The following COL21A1 variants were observed in gnomAD, a reference collection of about 807,000 sequenced individuals.
COL21A1 encodes the protein collagen type XXI alpha 1 chain.
Under a neutral mutation model 137.9 loss-of-function variants are expected in COL21A1, and 149 were observed. The ratio of observed to expected loss-of-function variants is 1.08; its 90% CI spans 0.95 to 1.24. COL21A1 has a LOEUF of 1.24. Ranked by LOEUF, COL21A1 falls within the 50% of genes most tolerant of loss-of-function variation. The pLI, the probability that COL21A1 is intolerant of heterozygous loss-of-function variation, is 0.00. For missense variants in COL21A1, 1,167 were observed against 1,158.4 expected (o/e 1.01, Z -0.11); for synonymous variants, 456 against 391.5 (o/e 1.16, Z -1.95).
intron 1 of COL21A1, among the ~76,000 whole-genome samples, chr6:56,258,927 A>C (rs542053961): frequency 6.6e-6 from 1 of 152,200 alleles, no homozygotes; most frequent in Non-Finnish European, 1.5e-5. Context: ...TGCTGCATAC[A>C]ATATCCCATC....
chr6:56,180,319 T>A (rs1321931327), intron 2 of COL21A1, among the ~76,000 whole-genome samples, 190 bp from the exon 3 acceptor site: 3 of 152,040 alleles, frequency 2.0e-5, no homozygotes, highest in Admixed American at 2.0e-4. Flanking sequence ...GAGAAAAAAA[T>A]TAAAAACAAA....
chr6:56,172,276 CA>C (rs1220006443), intron 3 of COL21A1, among the ~76,000 whole-genome samples: 15 of 151,870 alleles, frequency 9.9e-5, no homozygotes, highest in African/African-American at 3.4e-4. Flanking sequence ...TTGAAAGCAG[CA>C]AGAAAAAAGA....
intron 1 of COL21A1, among the ~76,000 whole-genome samples, chr6:56,260,715 GGA>G (rs777540674): frequency 0.35 from 52,089 of 147,826 alleles, 10,923 homozygotes; most frequent in African/African-American, 0.51. Context: ...CAGGCAGGCA[GGA>G]AGGGAGGCAG....
At chr6:56,190,965 A>T (rs1778633491) in intron 1 of COL21A1, among the ~76,000 whole-genome samples, 1 of 152,198 alleles carries the variant, frequency 6.6e-6, no homozygotes, top group African/African-American at 2.4e-5. Flanking sequence ...TTAAAATAGT[A>T]AAGCTATTTA....
chr6:56,090,000 G>A (rs1307381415), intron 17 of COL21A1, among the ~76,000 whole-genome samples: 2 of 152,202 alleles, frequency 1.3e-5, no homozygotes, highest in Non-Finnish European at 2.9e-5. Flanking sequence ...CCAGCACTTT[G>A]GGAGGCTGAG....
chr6:56,163,201 G>T (rs1776310775), intron 9 of COL21A1, among the ~76,000 whole-genome samples: 1 of 152,114 alleles, frequency 6.6e-6, no homozygotes, highest in African/African-American at 2.4e-5. Flanking sequence ...AATGATTATG[G>T]TCGCTTCAAG....
chr6:56,177,217 T>C (rs1329386408), intron 3 of COL21A1, among the ~76,000 whole-genome samples: 1 of 152,048 alleles, frequency 6.6e-6, no homozygotes, highest in Non-Finnish European at 1.5e-5. Context: ...AGACAACTCT[T>C]CCAGAGAAAT....
At chr6:56,357,151 A>C (rs1292470828) in intron 1 of COL21A1, among the ~76,000 whole-genome samples, 5 of 152,320 alleles carry the variant, frequency 3.3e-5, no homozygotes, top group Admixed American at 1.3e-4. Context: ...TGTTCTCTGT[A>C]TTCTTAAATC....
chr6:56,361,759 C>T (rs541794469), intron 1 of COL21A1, among the ~76,000 whole-genome samples: 13 of 151,708 alleles, frequency 8.6e-5, no homozygotes, highest in Non-Finnish European at 1.6e-4. Flanking sequence ...TGCGTATGTG[C>T]GTGTGCGTGT....
chr6:56,265,141 G>A (rs1763365840), intron 1 of COL21A1, among the ~76,000 whole-genome samples: 1 of 152,168 alleles, frequency 6.6e-6, no homozygotes, highest in South Asian at 2.1e-4. Context: ...CTAAGACAGG[G>A]GCTGGAAGCG....
intron 24 of COL21A1, among the ~76,000 whole-genome samples, chr6:56,063,791 G>T (rs753112598): frequency 1.1e-4 from 16 of 151,912 alleles, no homozygotes; most frequent in Non-Finnish European, 1.6e-4. Flanking sequence ...CTCCAGAGTT[G>T]GTGTAATTGC....
intron 28 of COL21A1, among the ~76,000 whole-genome samples, chr6:56,059,554 C>T (rs1346342812): frequency 6.6e-6 from 1 of 151,426 alleles, no homozygotes; most frequent in Admixed American, 6.6e-5. Context: ...TACTATTAAA[C>T]AAAAAGGAAA....
At chr6:56,123,085 G>T (rs1432366290) in intron 16 of COL21A1, among the ~76,000 whole-genome samples, 1 of 152,224 alleles carries the variant, frequency 6.6e-6, no homozygotes, top group Non-Finnish European at 1.5e-5. Flanking sequence ...TAAAGTCTGT[G>T]TTCTCTCACA....
At chr6:56,092,563 G>C (rs1307763637) in intron 17 of COL21A1, among the ~76,000 whole-genome samples, 1 of 152,110 alleles carries the variant, frequency 6.6e-6, no homozygotes, top group East Asian at 1.9e-4. Flanking sequence ...AAAATTGATA[G>C]TATAGAAAAT....
At position 56,227,232 on chromosome 6, in the gene COL21A1, A is replaced by T. The variant is rs76652011; in HGVS notation, c.-39+20155T>A. On this transcript the variant is annotated intron_variant, in intron 1 of 29. Transcript: ENST00000244728. ...GATCTATGCTGTATAATAGAAACAAAAATGAATGTGCTGTGTAATATGACA... is the reference window on the plus strand; with the variant it reads ...GATCTATGCTGTATAATAGAAACAATAATGAATGTGCTGTGTAATATGACA... 3.1e-3 allele frequency among the ~76,000 whole-genome samples: 466 copies of T among 152,166 alleles called. 2 individuals are homozygous for T. The highest frequency in any genetic ancestry group is 5.3e-3 in the Non-Finnish European group (363 of 67,962).
intron 22 of COL21A1, among the ~76,000 whole-genome samples, chr6:56,067,640 A>G (rs551005385): frequency 6.6e-6 from 1 of 151,934 alleles, no homozygotes; most frequent in Admixed American, 6.6e-5. Context: ...AACTAACAAG[A>G]GAGGACTTAT....
At chr6:56,324,009 G>T (rs1203872464) in intron 1 of COL21A1, among the ~76,000 whole-genome samples, 1 of 152,062 alleles carries the variant, frequency 6.6e-6, no homozygotes, top group Non-Finnish European at 1.5e-5. Flanking sequence ...ATATTATAAA[G>T]GCTGGTAGTA....
chr6:56,313,235 A>T (rs1258565267), intron 1 of COL21A1, among the ~76,000 whole-genome samples: 2 of 152,144 alleles, frequency 1.3e-5, no homozygotes, highest in African/African-American at 4.8e-5. Flanking sequence ...GTCCTCCCTT[A>T]TTTGTGAGGG....
chr6:56,170,601 G>A, intron 5 of COL21A1, 48 bp downstream of exon 5: 1 of 1,296,462 alleles, frequency 7.7e-7, no homozygotes, highest in Non-Finnish European at 1.1e-6. Context: ...ACCCAATAGT[G>A]CTTCCCCATG....
Sources: gnomAD v4.1 joint callset for allele counts (sites outside exome capture counted in the v4.1 genomes callset) on GRCh38, gnomAD v4.1.1 for gene constraint, MANE v1.5 for transcripts, NCBI Gene and HGNC (gene_info 2026-07-23, HGNC 2026-07-21) for gene names.